MCTP2: variants seen among roughly 807,000 people sequenced by gnomAD.
The protein encoded by MCTP2 is multiple C2 and transmembrane domain-containing protein 2.
A neutral mutation model predicts 111.6 loss-of-function variants in MCTP2; 132 were observed. That is an observed-to-expected ratio of 1.18 (90% CI 1.03 to 1.37). The LOEUF (loss-of-function observed/expected upper bound fraction) is 1.37. MCTP2 is among the 40% of genes most tolerant of loss of function. MCTP2 has a pLI of 0.00. For missense variants in MCTP2, 1,183 were observed against 1,067.9 expected (o/e 1.11, Z -1.50); for synonymous variants, 395 against 387.7 (o/e 1.02, Z -0.22).
chr15:94,236,632 G>A (rs964461044), intron 1 of MCTP2, among the ~76,000 whole-genome samples: 1 of 151,890 alleles, frequency 6.6e-6, no homozygotes, highest in African/African-American at 2.4e-5. Context: ...CTATGCATGC[G>A]TTCATTCATT....
Position 94,332,197 on chromosome 15 carries a change from G to A in MCTP2, c.638-7093G>A, listed in dbSNP as rs554886014. On this transcript the variant is annotated intron_variant, in intron 4 of 22. Transcript: ENST00000357742. ...TCTGAAGAGGTCAATTAAAAGAGCC[G>A]CACTAGAGCTGAGTAGCTCAGCTCT... Among the ~76,000 whole-genome samples the A allele has an allele frequency of 2.6e-5, 4 of 152,246 alleles. No individual in the cohort carries two copies. The East Asian group carries it at 5.8e-4, about 22-fold the overall frequency.
intron 21 of MCTP2, among the ~76,000 whole-genome samples, chr15:94,475,768 C>T: frequency 6.6e-6 from 1 of 152,130 alleles, no homozygotes; most frequent in East Asian, 1.9e-4. Context: ...CTCCAAAGAG[C>T]AGAGTAGAAG....
chr15:94,401,255 T>TA (rs1427890061), intron 16 of MCTP2, among the ~76,000 whole-genome samples: 5 of 152,274 alleles, frequency 3.3e-5, no homozygotes, highest in African/African-American at 1.2e-4. Context: ...CCTTAGGATA[T>TA]AAATGCTTGA....
At chr15:94,286,921 A>G (rs1475790541) in intron 1 of MCTP2, among the ~76,000 whole-genome samples, 1 of 152,216 alleles carries the variant, frequency 6.6e-6, no homozygotes, top group Non-Finnish European at 1.5e-5. Context: ...TAGCATAGGT[A>G]TCATGTTTTG....
At chr15:94,301,778 T>G (rs973000722) in intron 2 of MCTP2, among the ~76,000 whole-genome samples, 12 of 152,124 alleles carry the variant, frequency 7.9e-5, no homozygotes, top group Non-Finnish European at 1.5e-4. Context: ...TAGGCAGGTG[T>G]AAACTTTTTG....
intron 8 of MCTP2, among the ~76,000 whole-genome samples, chr15:94,352,895 A>G (rs1232506932): frequency 1.3e-5 from 2 of 152,248 alleles, no homozygotes; most frequent in African/African-American, 2.4e-5. Context: ...AAACCTATCA[A>G]GTATGGAAGA....
At chr15:94,346,857 G>A (rs1376443550) in intron 8 of MCTP2, among the ~76,000 whole-genome samples, 1 of 152,142 alleles carries the variant, frequency 6.6e-6, no homozygotes, top group Non-Finnish European at 1.5e-5. Context: ...CCGGAGAGCA[G>A]TATTTATATG....
At chr15:94,243,346 C>A (rs1484858272) in intron 1 of MCTP2, among the ~76,000 whole-genome samples, 1 of 146,092 alleles carries the variant, frequency 6.8e-6, no homozygotes, top group East Asian at 2.1e-4. Flanking sequence ...TGCGTATGTA[C>A]ATACATACGT....
At chr15:94,417,782 A>T (rs959511580) in intron 17 of MCTP2, among the ~76,000 whole-genome samples, 2 of 152,158 alleles carry the variant, frequency 1.3e-5, no homozygotes, top group African/African-American at 2.4e-5. Flanking sequence ...CATCCAAGAC[A>T]TTCTTGATAT....
intron 1 of MCTP2, among the ~76,000 whole-genome samples, chr15:94,286,087 T>C (rs2074740492): frequency 6.6e-6 from 1 of 152,200 alleles, no homozygotes; most frequent in South Asian, 2.1e-4. Context: ...GAGCCAAATT[T>C]ATCTTAAAAG....
intron 2 of MCTP2, among the ~76,000 whole-genome samples, chr15:94,303,679 T>C (rs1029370930): frequency 1.1e-4 from 17 of 152,036 alleles, no homozygotes; most frequent in African/African-American, 4.1e-4. Context: ...TCCTACAACA[T>C]GTGGGAATTA....
chr15:94,418,461 T>C (rs2152491692), intron 17 of MCTP2, among the ~76,000 whole-genome samples: 1 of 152,248 alleles, frequency 6.6e-6, no homozygotes, highest in South Asian at 2.1e-4. Flanking sequence ...AATCAGACTT[T>C]CAACTGCTCA....
chr15:94,407,273 G>A (rs898556093), intron 17 of MCTP2, among the ~76,000 whole-genome samples: 4 of 152,134 alleles, frequency 2.6e-5, no homozygotes, highest in South Asian at 2.1e-4. Context: ...AAACAGCAAA[G>A]TTCTGATGCT....
intron 20 of MCTP2, 28 bp downstream of exon 20, chr15:94,458,274 T>C: frequency 7.3e-7 from 1 of 1,365,734 alleles, no homozygotes; most frequent in Non-Finnish European, 1.0e-6. Flanking sequence ...GTTGTGGTGT[T>C]TGCAGTAGAC....
intron 2 of MCTP2, among the ~76,000 whole-genome samples, chr15:94,306,699 A>T (rs78076636): frequency 0.013 from 1,973 of 152,344 alleles, 47 homozygotes; most frequent in African/African-American, 0.043. Context: ...ATAATCCATG[A>T]AATTCCACAA....
intron 19 of MCTP2, among the ~76,000 whole-genome samples, chr15:94,444,053 G>GC (rs2083981761): frequency 6.9e-6 from 1 of 145,316 alleles, no homozygotes. Context: ...GGTGATAACT[G>GC]CAAGTCTAGG....
intron 8 of MCTP2, among the ~76,000 whole-genome samples, chr15:94,354,505 G>A (rs1194966028): frequency 6.6e-6 from 1 of 152,110 alleles, no homozygotes; most frequent in Non-Finnish European, 1.5e-5. Flanking sequence ...CTGCCGCCTT[G>A]TGAAGAAGGT....
chr15:94,384,126 T>C lies in MCTP2; in HGVS notation c.1685+2T>C. The C allele has an allele frequency of 6.2e-7, 1 of 1,602,782 alleles. No individual in the cohort carries two copies. Among genetic ancestry groups the C allele is most frequent in the Non-Finnish European group, 8.5e-7 (1 of 1,170,426 alleles). ...TGAATGGAACAAAGTTTTTACATTG[T>C]AAGTGCTTTAGCCTCTGGAATTATT... is the stretch of plus-strand genomic sequence containing the variant. On this transcript the variant is annotated splice_donor_variant, in intron 13 of 22. Coordinates refer to ENST00000357742, the MANE Select transcript of MCTP2 (RefSeq NM_001385001.1). LOFTEE classifies it high-confidence loss of function.
At chr15:94,236,891 G>C (rs1399259793) in intron 1 of MCTP2, among the ~76,000 whole-genome samples, 1 of 152,052 alleles carries the variant, frequency 6.6e-6, no homozygotes, top group Admixed American at 6.5e-5. Context: ...GGAAGTGGAG[G>C]TGCGGCAGGA....
Sources: gnomAD v4.1 joint callset for allele counts (sites outside exome capture counted in the v4.1 genomes callset) on GRCh38, gnomAD v4.1.1 for gene constraint, MANE v1.5 for transcripts, NCBI Gene and HGNC (gene_info 2026-07-23, HGNC 2026-07-21) for gene names.